The following GOSR2 variants were observed in gnomAD, a reference collection of about 807,000 sequenced individuals.
The protein encoded by GOSR2 is 27 kDa Golgi SNARE protein.
GOSR2 carries 20 observed loss-of-function variants against 27.9 expected under a neutral mutation model. The observed-to-expected ratio is 0.72, with a 90% CI of 0.50 to 1.04. The LOEUF (loss-of-function observed/expected upper bound fraction) is 1.04, where lower values mean the gene tolerates loss of function less well. GOSR2 is among the 50% of genes least tolerant of loss of function. The pLI is 0.00. For missense variants in GOSR2, 261 were observed against 270.5 expected (o/e 0.97, Z 0.25); for synonymous variants, 91 against 98.8 (o/e 0.92, Z 0.47).
chr17:46,967,254 T>C (rs1179589945), downstream of GOSR2, among the ~76,000 whole-genome samples: 1 of 152,234 alleles, frequency 6.6e-6, no homozygotes, highest in Non-Finnish European at 1.5e-5. Flanking sequence ...GGATCCCAGC[T>C]CTGCCACTTA....
At chr17:46,933,968 C>T (rs539140993) in intron 4 of GOSR2, among the ~76,000 whole-genome samples, 1 of 151,838 alleles carries the variant, frequency 6.6e-6, no homozygotes, top group Non-Finnish European at 1.5e-5. Flanking sequence ...CGAAACAAAC[C>T]CCAGCACTAC....
downstream of GOSR2, among the ~76,000 whole-genome samples, chr17:46,943,390 C>T (rs57574754): frequency 1.8e-3 from 281 of 152,350 alleles, no homozygotes; most frequent in African/African-American, 6.3e-3. Context: ...CCTGGTGTTC[C>T]GTCCTCCCTG....
At chr17:46,962,795 A>C (rs1480266693) in intron 6 of GOSR2, among the ~76,000 whole-genome samples, 2 of 152,366 alleles carry the variant, frequency 1.3e-5, no homozygotes, top group East Asian at 3.9e-4. Flanking sequence ...CTGCAGGATC[A>C]TGAAAGATAA....
downstream of GOSR2, among the ~76,000 whole-genome samples, chr17:46,971,650 A>G (rs973548305): frequency 6.6e-6 from 1 of 152,138 alleles, no homozygotes; most frequent in African/African-American, 2.4e-5. Context: ...AGAGTACCTC[A>G]CTTTACAGAT....
At chr17:46,958,667 C>T (rs2090877716) in intron 6 of GOSR2, among the ~76,000 whole-genome samples, 1 of 152,232 alleles carries the variant, frequency 6.6e-6, no homozygotes, top group South Asian at 2.1e-4. Context: ...CCACCACTCC[C>T]TCTGATGGAC....
intron 3 of GOSR2, 42 bp downstream of exon 3, chr17:46,931,249 A>G: frequency 3.2e-6 from 3 of 936,426 alleles, no homozygotes; most frequent in Non-Finnish European, 5.3e-6. Flanking sequence ...CTCCAGGCCC[A>G]TCAAGACAGG....
intron 3 of GOSR2, chr17:46,931,865 C>T (rs757201934): frequency 4.9e-6 from 3 of 614,044 alleles, no homozygotes; most frequent in Non-Finnish European, 8.7e-6. Context: ...ATCTTGTGTG[C>T]TACCATCTCA....
chr17:46,973,755 CAA>C (rs148954981), intron 6 of GOSR2, among the ~76,000 whole-genome samples: 2,054 of 152,250 alleles, frequency 0.013, 40 homozygotes, highest in African/African-American at 0.047. Context: ...AATCTGCACT[CAA>C]GAGATACTAC....
At chr17:46,928,659 A>G (rs2086848403) in intron 1 of GOSR2, among the ~76,000 whole-genome samples, 1 of 152,114 alleles carries the variant, frequency 6.6e-6, no homozygotes, top group African/African-American at 2.4e-5. Flanking sequence ...TCGGAGAAGG[A>G]TGTTTACCAA....
chr17:46,936,678 T>A (rs1428424797), intron 5 of GOSR2: 1 of 985,088 alleles, frequency 1.0e-6, no homozygotes, highest in African/African-American at 1.7e-5. Context: ...TTCAAGTGAT[T>A]TAGAAGGTTG....
Sources: allele counts gnomAD v4.1 joint callset (sites outside exome capture counted in the v4.1 genomes callset), GRCh38; gene constraint gnomAD v4.1.1; transcripts MANE v1.5; gene names NCBI Gene and HGNC (gene_info 2026-07-23, HGNC 2026-07-21).